The following RNF185 variants were observed in gnomAD, a reference collection of about 807,000 sequenced individuals.
The protein encoded by RNF185 is E3 ubiquitin-protein ligase RNF185.
In RNF185, 13 loss-of-function variants were observed where a neutral mutation model predicts 24.9. That is an observed-to-expected ratio of 0.52 (90% CI 0.34 to 0.83). The LOEUF is 0.83. Ranked by LOEUF, RNF185 falls within the 40% of genes least tolerant of loss-of-function variation. The pLI is 0.01. For synonymous variants in RNF185, 79 were observed against 90.3 expected (o/e 0.88, Z 0.71); for missense variants, 184 against 244.7 (o/e 0.75, Z 1.65).
intron 1 of RNF185, among the ~76,000 whole-genome samples, chr22:31,171,788 G>A (rs939988704): frequency 4.4e-4 from 67 of 151,998 alleles, no homozygotes; most frequent in African/African-American, 1.5e-3. Context: ...GACCAACATG[G>A]AGAAACACCA....
At chr22:31,197,919 A>G (rs1042759870) in intron 5 of RNF185, among the ~76,000 whole-genome samples, 1 of 152,204 alleles carries the variant, frequency 6.6e-6, no homozygotes, top group African/African-American at 2.4e-5. Context: ...ACTGGCTAAA[A>G]AAAAATTGCA....
In RNF185 at chr22:31,187,287, C is replaced by T. The variant is rs554379585; in HGVS notation, c.176+17C>T. 2 of 1,613,148 alleles carry T rather than the reference C, an allele frequency of 1.2e-6. No homozygotes were observed. The highest frequency in any genetic ancestry group is 1.7e-6 in the Non-Finnish European group (2 of 1,179,482). On this transcript the variant is annotated intron_variant, in intron 2 of 6. Transcript: ENST00000326132. ...CCTCTTCTGGTCAGTACCCCTACTT[C>T]CACCCCAGAGAGCACATTGCCAAGT...
chr22:31,203,181 T>A (rs1338418856), intron 6 of RNF185, among the ~76,000 whole-genome samples: 2 of 151,404 alleles, frequency 1.3e-5, no homozygotes, highest in African/African-American at 4.8e-5. Flanking sequence ...CAGTTTTCCC[T>A]TGTCATGCTT....
intron 1 of RNF185, among the ~76,000 whole-genome samples, chr22:31,173,224 T>C (rs1229517989): frequency 1.4e-5 from 2 of 141,058 alleles, no homozygotes; most frequent in Admixed American, 1.5e-4. Context: ...TTTTTTTTCA[T>C]TTGTGTAAGA....
intron 5 of RNF185, 43 bp from the exon 6 acceptor site, chr22:31,201,455 C>T: frequency 3.4e-6 from 5 of 1,453,398 alleles, no homozygotes; most frequent in Non-Finnish European, 4.8e-6. Context: ...ACAGGAGAAA[C>T]CTGCCTGATT....
chr22:31,184,833 C>T (rs890417338), intron 1 of RNF185, among the ~76,000 whole-genome samples: 1 of 149,510 alleles, frequency 6.7e-6, no homozygotes, highest in African/African-American at 2.5e-5. Flanking sequence ...GAGAATCAGG[C>T]AGGGAGGCTG....
intron 1 of RNF185, among the ~76,000 whole-genome samples, chr22:31,182,095 AT>A (rs2048043596): frequency 6.7e-6 from 1 of 149,402 alleles, no homozygotes; most frequent in Admixed American, 6.7e-5. Flanking sequence ...ACCCAACAAA[AT>A]TAACAGTAAT....
At chr22:31,199,098 T>TC (rs1458487094) in intron 5 of RNF185, among the ~76,000 whole-genome samples, 31 of 44,672 alleles carry the variant, frequency 6.9e-4, no homozygotes, top group Non-Finnish European at 9.5e-4. Context: ...AGACTCTGTC[T>TC]CAAAAAAAAA....
rs2048197459 is a variant in RNF185, at chr22:31,195,522, C to A, written c.249C>A (p.Ile83=). Reference sequence around the variant, plus strand: ...TGTGTCCTGTTTGCAAAGCTGGCATCAGCCGAGACAAGGTCATCCCCCTCT... The same window carrying A: ...TGTGTCCTGTTTGCAAAGCTGGCATAAGCCGAGACAAGGTCATCCCCCTCT... The part of the protein sequence containing the change: ...RQVCPVCKAG[I]SRDKVIPLYG... The change falls in exon 4 of 7, where the codon ATC becomes ATA. Residue 83 remains isoleucine (I), a synonymous_variant. Transcript: ENST00000326132. 6.2e-7 allele frequency: 1 copy of A among 1,611,632 alleles called. No individual in the cohort carries two copies. The highest frequency in any genetic ancestry group is 1.7e-5 in the Admixed American group (1 of 59,784).
chr22:31,172,523 C>T (rs1367061563), intron 1 of RNF185, among the ~76,000 whole-genome samples: 4 of 151,992 alleles, frequency 2.6e-5, no homozygotes, highest in African/African-American at 4.8e-5. Flanking sequence ...CCGAGGCAGG[C>T]GCATCACCTG....
intron 1 of RNF185, among the ~76,000 whole-genome samples, chr22:31,181,202 G>C (rs759297558): frequency 6.6e-6 from 1 of 151,862 alleles, no homozygotes; most frequent in Non-Finnish European, 1.5e-5. Context: ...AAAATTAGCT[G>C]AGCATGGTGG....
chr22:31,184,831 G>A (rs1411155488), intron 1 of RNF185, among the ~76,000 whole-genome samples: 1 of 151,820 alleles, frequency 6.6e-6, no homozygotes, highest in Non-Finnish European at 1.5e-5. Flanking sequence ...AGGAGAATCA[G>A]GCAGGGAGGC....
At chr22:31,203,897 C>T (rs184882216) in intron 6 of RNF185, among the ~76,000 whole-genome samples, 454 of 151,296 alleles carry the variant, frequency 3.0e-3, no homozygotes, top group Non-Finnish European at 4.9e-3. Context: ...AAAAATTAGC[C>T]GGGTGTGGTG....
At chr22:31,185,460 G>A (rs930525459) in intron 1 of RNF185, among the ~76,000 whole-genome samples, 2 of 152,150 alleles carry the variant, frequency 1.3e-5, no homozygotes, top group Non-Finnish European at 2.9e-5. Context: ...TGAAGGGGCC[G>A]CTTGTTTTGG....
rs752417601 is a variant in RNF185 at position 31,187,115 on chromosome 22, G to A, written c.21G>A (p.Ser7=). 16 of 1,607,718 alleles carry A rather than the reference G, an allele frequency of 1.0e-5. No homozygotes were observed. Among genetic ancestry groups the A allele is most frequent in the Non-Finnish European group, 1.4e-5 (16 of 1,177,532 alleles). MASKGP[S]ASASPENSSA... Reference sequence around the variant, plus strand: ...CAAGGATGGCAAGCAAGGGGCCCTCGGCCTCTGCATCTCCTGAGAACTCCA... The same window carrying A: ...CAAGGATGGCAAGCAAGGGGCCCTCAGCCTCTGCATCTCCTGAGAACTCCA... The change falls in exon 2 of 7, where the codon TCG becomes TCA. Residue 7 remains serine (S), a synonymous_variant. Transcript: ENST00000326132.
chr22:31,173,406 CACACACACAG>C lies in RNF185; in HGVS notation c.-49+13113_-49+13122del, dbSNP rs772268837. 9.2e-3 allele frequency among the ~76,000 whole-genome samples: 1,095 copies of C among 119,280 alleles called. 16 individuals are homozygous for C. Among genetic ancestry groups the C allele is most frequent in the African/African-American group, 0.037 (1,045 of 27,926 alleles). 78.3% of individuals were successfully genotyped at this position (119,280 alleles called of 152,430 possible). A position where few individuals can be genotyped will look rare whatever the true frequency, so the allele number is the denominator to read the frequency against. ...GGCATCAGATCTGTCAACTCATTCA[CACACACACAG>C]ACACACACACACACACACACACACA... is the stretch of plus-strand genomic sequence containing the variant. On this transcript the variant is annotated intron_variant, in intron 1 of 6. Coordinates refer to ENST00000326132, the MANE Select transcript of RNF185 (RefSeq NM_152267.4).
chr22:31,164,583 C>CTTTTTTTT (rs200649012), intron 1 of RNF185, among the ~76,000 whole-genome samples: 1 of 91,754 alleles, frequency 1.1e-5, no homozygotes, highest in Non-Finnish European at 2.1e-5. Context: ...TCCTCATTGT[C>CTTTTTTTT]TTTTTTTTTT....
chr22:31,188,531 T>G (rs936097201), intron 2 of RNF185, among the ~76,000 whole-genome samples: 1 of 152,140 alleles, frequency 6.6e-6, no homozygotes, highest in South Asian at 2.1e-4. Flanking sequence ...ATAAAAAATG[T>G]GTACAGCTAT....
At chr22:31,176,495 T>C (rs535159410) in intron 1 of RNF185, among the ~76,000 whole-genome samples, 1 of 150,718 alleles carries the variant, frequency 6.6e-6, no homozygotes, top group Non-Finnish European at 1.5e-5. Context: ...CTTTTTCTTT[T>C]TTTTTTTTTT....
Sources: gnomAD v4.1 joint callset for allele counts (sites outside exome capture counted in the v4.1 genomes callset) on GRCh38, gnomAD v4.1.1 for gene constraint, MANE v1.5 for transcripts, NCBI Gene and HGNC (gene_info 2026-07-23, HGNC 2026-07-21) for gene names.